The following IMPG2 variants were observed in gnomAD, a reference collection of about 807,000 sequenced individuals.
The protein encoded by IMPG2 is IPM 200.
A neutral mutation model predicts 129.2 loss-of-function variants in IMPG2; 91 were observed. That is an observed-to-expected ratio of 0.70 (90% CI 0.59 to 0.84). The LOEUF (loss-of-function observed/expected upper bound fraction) is 0.84. Ranked by LOEUF, IMPG2 falls within the 40% of genes least tolerant of loss-of-function variation. The pLI is 0.00. For synonymous variants in IMPG2, 510 were observed against 517.7 expected (o/e 0.99, Z 0.20); for missense variants, 1,430 against 1,461.7 (o/e 0.98, Z 0.35).
intron 9 of IMPG2, among the ~76,000 whole-genome samples, chr3:101,263,741 A>T (rs1706693720): frequency 6.6e-6 from 1 of 151,884 alleles, no homozygotes; most frequent in Non-Finnish European, 1.5e-5. Flanking sequence ...CAAAATAAAT[A>T]TACAAAAGAT....
intron 3 of IMPG2, among the ~76,000 whole-genome samples, chr3:101,296,436 C>T (rs1393970727): frequency 6.6e-6 from 1 of 152,164 alleles, no homozygotes; most frequent in African/African-American, 2.4e-5. Flanking sequence ...GCTAGATAAG[C>T]TTTTTGATGT....
At chr3:101,232,682 C>T (rs1706302263) in intron 15 of IMPG2, 99 bp downstream of exon 15, 1 of 964,256 alleles carries the variant, frequency 1.0e-6, no homozygotes, top group Non-Finnish European at 1.6e-6. Flanking sequence ...TTCTATAATG[C>T]ATACTATAAT....
Position 101,244,799 on chromosome 3 carries a change from G to A in IMPG2, c.1544-12C>T. 1 of 1,610,300 alleles carries A rather than the reference G, an allele frequency of 6.2e-7. No homozygotes were observed. The highest frequency in any genetic ancestry group is 8.5e-7 in the Non-Finnish European group (1 of 1,177,104). ...AACATTGGCTAATCCTAAAAATAAA[G>A]TTTTCCATTAATTAATCTACAGAGT... On this transcript the variant is annotated splice_polypyrimidine_tract_variant and intron_variant, in intron 12 of 18. Transcript: ENST00000193391.
chr3:101,304,321 TAGAG>T lies in IMPG2; in HGVS notation c.335-13_335-10del. ...GACAGCTTCCTGACACACTAGAAAA[TAGAG>T]AGGTGTTTTTTTACAAAAAGCTAAC... On this transcript the variant is annotated splice_polypyrimidine_tract_variant and intron_variant, in intron 2 of 18. Coordinates refer to ENST00000193391, the MANE Select transcript of IMPG2 (RefSeq NM_016247.4). The T allele has an allele frequency of 6.2e-7, 1 of 1,613,332 alleles. No individual in the cohort carries two copies. Among genetic ancestry groups the T allele is most frequent in the Non-Finnish European group, 8.5e-7 (1 of 1,179,380 alleles).
intron 11 of IMPG2, among the ~76,000 whole-genome samples, chr3:101,246,925 G>A (rs542196715): frequency 3.4e-4 from 52 of 151,930 alleles, no homozygotes; most frequent in African/African-American, 8.4e-4. Context: ...TAGCAAGACC[G>A]CATCTCAACA....
At chr3:101,294,744 G>A (rs182818440) in intron 3 of IMPG2, among the ~76,000 whole-genome samples, 10 of 152,180 alleles carry the variant, frequency 6.6e-5, no homozygotes, top group Admixed American at 1.3e-4. Flanking sequence ...CAACAGCCTC[G>A]CCAGAATCAA....
At chr3:101,264,468 G>A (rs1397784325) in intron 9 of IMPG2, among the ~76,000 whole-genome samples, 1 of 151,992 alleles carries the variant, frequency 6.6e-6, no homozygotes, top group East Asian at 1.9e-4. Context: ...TCATCATAAT[G>A]ATGCAGAAAA....
intron 16 of IMPG2, 85 bp from the exon 17 acceptor site, chr3:101,229,675 T>C: frequency 8.1e-7 from 1 of 1,238,966 alleles, no homozygotes; most frequent in South Asian, 1.3e-5. Context: ...ATATTTCTGT[T>C]GAAGAAAAAC....
intron 11 of IMPG2, among the ~76,000 whole-genome samples, chr3:101,251,361 A>G (rs1488831371): frequency 6.6e-6 from 1 of 152,224 alleles, no homozygotes; most frequent in African/African-American, 2.4e-5. Context: ...GACTTTTCAA[A>G]TAAAGAAGAA....
rs756621292 is a variant in IMPG2 at position 101,239,756 on chromosome 3, C to T, written c.3022+2932G>A. ...TATGCAGCCATAAAAAGGATGAGTTCGTGTCCTTTGCAGGGACATGGATTA... is the reference window on the plus strand; with the variant it reads ...TATGCAGCCATAAAAAGGATGAGTTTGTGTCCTTTGCAGGGACATGGATTA... On this transcript the variant is annotated intron_variant, in intron 14 of 18. Coordinates refer to ENST00000193391, the MANE Select transcript of IMPG2 (RefSeq NM_016247.4). Among the ~76,000 whole-genome samples the T allele has an allele frequency of 3.9e-5, 6 of 152,266 alleles. No individual in the cohort carries two copies. The East Asian group carries it at 7.7e-4, about 20-fold the overall frequency.
intron 3 of IMPG2, 76 bp from the exon 4 acceptor site, chr3:101,291,586 G>T: frequency 2.0e-6 from 2 of 988,400 alleles, no homozygotes; most frequent in Non-Finnish European, 3.2e-6. Context: ...ATTTCATAGA[G>T]ACCACTACTG....
intron 9 of IMPG2, among the ~76,000 whole-genome samples, chr3:101,260,467 G>A (rs370163108): frequency 6.6e-6 from 1 of 152,074 alleles, no homozygotes; most frequent in Non-Finnish European, 1.5e-5. Flanking sequence ...TCAAATGATG[G>A]TTCCAAGATA....
chr3:101,236,146 A>G (rs1706343756), intron 14 of IMPG2, among the ~76,000 whole-genome samples: 1 of 152,222 alleles, frequency 6.6e-6, no homozygotes. Flanking sequence ...TAACACCACA[A>G]GAGTCAAGAC....
chr3:101,304,369 A>T, intron 2 of IMPG2, 57 bp from the exon 3 acceptor site: 1 of 1,480,638 alleles, frequency 6.8e-7, no homozygotes, highest in Non-Finnish European at 9.4e-7. Flanking sequence ...GGGTTCTTAC[A>T]ATGATCATAG....
rs774726948 is a variant in IMPG2, at chr3:101,226,956, A to G, written c.*13T>C. On this transcript the variant is annotated 3_prime_UTR_variant, in exon 19 of 19. Coordinates refer to ENST00000193391, the MANE Select transcript of IMPG2 (RefSeq NM_016247.4). ...CTCCAGGCTTCTAATCAGTTTCAGA[A>G]CAGGAGTTTTGGTTAAACCTCTTCC... The G allele has an allele frequency of 2.1e-5, 34 of 1,613,312 alleles. No individual in the cohort carries two copies. Among genetic ancestry groups the G allele is most frequent in the Admixed American group, 3.3e-5 (2 of 60,022 alleles).
At chr3:101,287,790 A>G (rs1359579364) in intron 4 of IMPG2, among the ~76,000 whole-genome samples, 2 of 152,188 alleles carry the variant, frequency 1.3e-5, no homozygotes, top group Non-Finnish European at 2.9e-5. Flanking sequence ...TAAAAATTCT[A>G]GAAGAAAACT....
At position 101,257,758 on chromosome 3, in the gene IMPG2, G is replaced by C. The variant is rs1388504012; in HGVS notation, c.924C>G (p.Tyr308Ter). 6.2e-7 allele frequency: 1 copy of C among 1,613,196 alleles called. No individual in the cohort carries two copies. The highest frequency in any genetic ancestry group is 8.5e-7 in the Non-Finnish European group (1 of 1,179,406). ...CCTCACCATTGAAGGTAACTGCATA[G>C]TAAACATCTACGCCACTATGGATGG... ...PKENDSGVDV[Y>*]YAVTFNGEAI... The change falls in exon 10 of 19, where the codon TAC (tyrosine) becomes TAG (stop). Residue 308 changes from tyrosine (Y) to a stop codon, truncating the protein, a stop_gained. Coordinates refer to ENST00000193391, the MANE Select transcript of IMPG2 (RefSeq NM_016247.4). LOFTEE classifies it high-confidence loss of function.
chr3:101,241,535 A>T (rs773132040), intron 14 of IMPG2, among the ~76,000 whole-genome samples: 1 of 152,190 alleles, frequency 6.6e-6, no homozygotes. Context: ...CATGGGGGCT[A>T]TATGGAGGAT....
chr3:101,264,798 A>T (rs1706705438), intron 9 of IMPG2, among the ~76,000 whole-genome samples: 1 of 151,992 alleles, frequency 6.6e-6, no homozygotes, highest in Admixed American at 6.6e-5. Context: ...ACGGAGAAAA[A>T]CCCAAAGACT....
Sources: gnomAD v4.1 joint callset for allele counts (sites outside exome capture counted in the v4.1 genomes callset) on GRCh38, gnomAD v4.1.1 for gene constraint, MANE v1.5 for transcripts, NCBI Gene and HGNC (gene_info 2026-07-23, HGNC 2026-07-21) for gene names.